Variants in ADAD1 observed in about 807,000 individuals in gnomAD.
ADAD1 encodes adenosine deaminase domain-containing protein 1.
A neutral mutation model predicts 66.8 loss-of-function variants in ADAD1; 46 were observed. The observed-to-expected ratio is 0.69, with a 90% CI of 0.54 to 0.88. The LOEUF (loss-of-function observed/expected upper bound fraction) is 0.88. Among genes scored for constraint, ADAD1 ranks in the 40% least tolerant of loss-of-function variants. The pLI is 0.00. For synonymous variants in ADAD1, 248 were observed against 229.4 expected (o/e 1.08, Z -0.73); for missense variants, 617 against 681.8 (o/e 0.91, Z 1.06).
chr4:122,421,367 G>T lies in ADAD1; in HGVS notation c.1594G>T (p.Ala532Ser). The change falls in exon 12 of 13, where the codon GCT becomes TCT. Residue 532 changes from alanine (A) to serine (S), a missense_variant. Physicochemically the swap from Ala to Ser is moderately conservative, Grantham distance 99. Transcript: ENST00000296513. ...AKEAKKELLE[A>S]GTYHAAKCMS... ...AGAAGCTAAAAAAGAATTACTTGAA[G>T]CTGGTACATATCATGCAGCTAAGGT... The T allele has an allele frequency of 6.2e-7, 1 of 1,600,034 alleles. No individual in the cohort carries two copies. The highest frequency in any genetic ancestry group is 8.5e-7 in the Non-Finnish European group (1 of 1,170,572).
intron 5 of ADAD1, among the ~76,000 whole-genome samples, chr4:122,391,910 A>G (rs112912748): frequency 7.2e-5 from 11 of 152,184 alleles, no homozygotes; most frequent in African/African-American, 2.6e-4. Context: ...GGGTTTCGCC[A>G]TGTTGCCCAG....
At chr4:122,389,422 ATCTG>A (rs1248534499) in intron 5 of ADAD1, among the ~76,000 whole-genome samples, 1 of 152,102 alleles carries the variant, frequency 6.6e-6, no homozygotes, top group East Asian at 1.9e-4. Flanking sequence ...CTTGTTAATT[ATCTG>A]TCTCATTGAT....
intron 12 of ADAD1, among the ~76,000 whole-genome samples, chr4:122,425,912 T>C (rs1021088956): frequency 2.0e-5 from 3 of 151,868 alleles, no homozygotes; most frequent in African/African-American, 4.8e-5. Flanking sequence ...ATCTTAAAAA[T>C]CAGTTATTGG....
intron 11 of ADAD1, among the ~76,000 whole-genome samples, chr4:122,419,328 T>C (rs1189552416): frequency 6.6e-6 from 1 of 152,104 alleles, no homozygotes; most frequent in African/African-American, 2.4e-5. Context: ...AGCTAAATGA[T>C]GAGAACACGT....
chr4:122,380,960 A>G, intron 3 of ADAD1, 32 bp from the exon 4 acceptor site: 1 of 1,552,648 alleles, frequency 6.4e-7, no homozygotes, highest in South Asian at 1.2e-5. Context: ...TTTGTTTTAA[A>G]CCAAATTGAC....
At chr4:122,384,549 T>G (rs1795069120) in intron 5 of ADAD1, among the ~76,000 whole-genome samples, 1 of 152,182 alleles carries the variant, frequency 6.6e-6, no homozygotes, top group Non-Finnish European at 1.5e-5. Context: ...GCATGCAAAG[T>G]CCTTAACCAG....
intron 7 of ADAD1, among the ~76,000 whole-genome samples, chr4:122,403,803 T>C (rs933907794): frequency 4.6e-5 from 7 of 152,122 alleles, no homozygotes; most frequent in Non-Finnish European, 1.0e-4. Context: ...AACCATCAGA[T>C]AGAAGCAGGG....
rs545040719 is a variant in ADAD1 at position 122,416,741 on chromosome 4, A to G, written c.1487+1125A>G. ...GAGTGAGACCCTATCTCAAAAAGGG[A>G]AAAAAAAAAGAAAAAAACAGACAAA... On this transcript the variant is annotated intron_variant, in intron 11 of 12. Coordinates refer to ENST00000296513, the MANE Select transcript of ADAD1 (RefSeq NM_139243.4). 2.0e-4 allele frequency among the ~76,000 whole-genome samples: 30 copies of G among 147,308 alleles called. 1 individual carries two copies. Among genetic ancestry groups the G allele is most frequent in the Admixed American group, 1.4e-3 (21 of 14,760 alleles).
intron 2 of ADAD1, among the ~76,000 whole-genome samples, 172 bp from the exon 3 acceptor site, chr4:122,379,890 T>G (rs1268625007): frequency 6.6e-6 from 1 of 152,038 alleles, no homozygotes; most frequent in African/African-American, 2.4e-5. Flanking sequence ...TCCGTGTCTA[T>G]GAAAACTCAA....
At position 122,383,791 on chromosome 4, in the gene ADAD1, T is replaced by C; in HGVS notation, c.362-8T>C. 1 of 1,580,192 alleles carries C rather than the reference T, an allele frequency of 6.3e-7. No homozygotes were observed. The highest frequency in any genetic ancestry group is 8.6e-7 in the Non-Finnish European group (1 of 1,168,128). ...TATTGTAGCATTCATTCTGAGTTCTTTTTCAAGGTAATGTTATGGGACCAT... is the reference window on the plus strand; with the variant it reads ...TATTGTAGCATTCATTCTGAGTTCTCTTTCAAGGTAATGTTATGGGACCAT... On this transcript the variant is annotated splice_polypyrimidine_tract_variant and splice_region_variant and intron_variant, in intron 4 of 12. Coordinates refer to ENST00000296513, the MANE Select transcript of ADAD1 (RefSeq NM_139243.4).
At chr4:122,407,851 G>T in intron 7 of ADAD1, 57 bp from the exon 8 acceptor site, 1 of 1,571,582 alleles carries the variant, frequency 6.4e-7, no homozygotes, top group Admixed American at 1.8e-5. Context: ...GGTAAGAGGT[G>T]AATGTAGGGA....
chr4:122,418,171 A>G (rs1442188580), intron 11 of ADAD1, among the ~76,000 whole-genome samples: 1 of 152,132 alleles, frequency 6.6e-6, no homozygotes, highest in Non-Finnish European at 1.5e-5. Flanking sequence ...AAATAGAGAA[A>G]ATTAAGAGGA....
rs1796984274 is a variant in ADAD1 at position 122,421,149 on chromosome 4, A to AT, written c.1488-110dup. 6 of 799,848 alleles carry AT rather than the reference A, an allele frequency of 7.5e-6. No homozygotes were observed. The South Asian group carries it at 2.5e-4, about 33-fold the overall frequency. 49.5% of individuals were successfully genotyped at this position (799,848 alleles called of 1,614,324 possible). ...ATGTAAAAAAAAAATTACTATGTAT[A>AT]TTGCAAATAATCAAGAAATATTTTG... On this transcript the variant is annotated intron_variant, in intron 11 of 12. Transcript: ENST00000296513.
chr4:122,429,412 C>G (rs1316939078), intron 12 of ADAD1, among the ~76,000 whole-genome samples: 5 of 150,536 alleles, frequency 3.3e-5, no homozygotes, highest in Admixed American at 3.3e-4. Context: ...AGAACAAGAC[C>G]TTGGCTCTTA....
In ADAD1 at chr4:122,424,646, C is replaced by T. The variant is rs139517961; in HGVS notation, c.1617+3256C>T. The stretch of plus-strand genomic sequence containing the variant: ...AGTAAAACATTTTTCTTAAACTATA[C>T]GACAGTAAGGAAAAAGAAGAGAAAT... On this transcript the variant is annotated intron_variant, in intron 12 of 12. Transcript: ENST00000296513. Among the ~76,000 whole-genome samples, 36 of 151,782 alleles carry T rather than the reference C, an allele frequency of 2.4e-4. No homozygotes were observed. In the East Asian group the frequency reaches 4.1e-3, roughly 17 times the overall value.
chr4:122,384,069 A>ATCTT, intron 5 of ADAD1, 103 bp downstream of exon 5: 1 of 1,069,618 alleles, frequency 9.3e-7, no homozygotes, highest in Non-Finnish European at 1.3e-6. Flanking sequence ...GCTACAAGAT[A>ATCTT]GAAGTTGCAG....
chr4:122,395,028 T>C (rs1795629386), intron 6 of ADAD1, among the ~76,000 whole-genome samples: 1 of 151,978 alleles, frequency 6.6e-6, no homozygotes, highest in African/African-American at 2.4e-5. Context: ...GCCTGTGTGG[T>C]TTGCTATATA....
intron 6 of ADAD1, among the ~76,000 whole-genome samples, chr4:122,394,950 T>C (rs1216511255): frequency 6.6e-6 from 1 of 152,184 alleles, no homozygotes; most frequent in Non-Finnish European, 1.5e-5. Context: ...ATGTTATAAC[T>C]TTTGAAGAAG....
intron 8 of ADAD1, 30 bp from the exon 9 acceptor site, chr4:122,411,192 T>C (rs1433807124): frequency 2.0e-6 from 3 of 1,513,568 alleles, no homozygotes; most frequent in Non-Finnish European, 1.8e-6. Flanking sequence ...TAAAGTTTAT[T>C]ACTTGACAAA....
Sources: gnomAD v4.1 joint callset for allele counts (sites outside exome capture counted in the v4.1 genomes callset) on GRCh38, gnomAD v4.1.1 for gene constraint, MANE v1.5 for transcripts, NCBI Gene and HGNC (gene_info 2026-07-23, HGNC 2026-07-21) for gene names.